The following TMPRSS11F variants were observed in gnomAD, a reference collection of about 807,000 sequenced individuals.
TMPRSS11F encodes the protein transmembrane serine protease 11F, also known as transmembrane protease serine 11F.
In TMPRSS11F, 47 loss-of-function variants were observed where a neutral mutation model predicts 60.2. That is an observed-to-expected ratio of 0.78 (90% confidence interval 0.62 to 1.00). The LOEUF (loss-of-function observed/expected upper bound fraction) is 1.00, where lower values mean the gene tolerates loss of function less well. TMPRSS11F is among the 50% of genes least tolerant of loss of function. TMPRSS11F has a pLI of 0.00. For synonymous variants in TMPRSS11F, 166 were observed against 167.3 expected, an observed-to-expected ratio of 0.99 and a Z score of 0.06; for missense variants, 519 against 522.9, an observed-to-expected ratio of 0.99 and a Z score of 0.07.
chr4:68,074,959 A>G (rs956867884), intron 3 of TMPRSS11F, among the ~76,000 whole-genome samples: 2 of 152,238 alleles, frequency 1.3e-5, no homozygotes, highest in African/African-American at 4.8e-5. Flanking sequence ...AGCCAGAGTC[A>G]TAATCTGGTC....
At chr4:68,119,563 T>C (rs1024843902) in intron 1 of TMPRSS11F, among the ~76,000 whole-genome samples, 6 of 152,320 alleles carry the variant, frequency 3.9e-5, no homozygotes, top group East Asian at 1.9e-4. Flanking sequence ...TTAAGAATTA[T>C]GCTAAATCCA....
intron 2 of TMPRSS11F, among the ~76,000 whole-genome samples, chr4:68,097,117 G>T (rs1397735074): frequency 6.6e-6 from 1 of 152,162 alleles, no homozygotes; most frequent in African/African-American, 2.4e-5. Flanking sequence ...ATTATCTGCA[G>T]TCAGGAAAGA....
chr4:68,062,958 G>C (rs752715100), intron 8 of TMPRSS11F: 2 of 742,404 alleles, frequency 2.7e-6, no homozygotes, highest in Admixed American at 1.8e-5. Flanking sequence ...AGAATTTCTG[G>C]AACTGACCCG....
At chr4:68,077,885 C>T (rs888700289) in intron 3 of TMPRSS11F, among the ~76,000 whole-genome samples, 4 of 152,196 alleles carry the variant, frequency 2.6e-5, no homozygotes, top group South Asian at 2.1e-4. Context: ...AGGTAGTGGG[C>T]GGTGTGCCGG....
intron 1 of TMPRSS11F, among the ~76,000 whole-genome samples, chr4:68,107,839 A>C (rs1724333797): frequency 6.6e-6 from 1 of 152,160 alleles, no homozygotes; most frequent in Non-Finnish European, 1.5e-5. Flanking sequence ...TGGGAGGCTG[A>C]GGCAGGAGAA....
At chr4:68,072,661 T>C (rs1251930069) in intron 4 of TMPRSS11F, among the ~76,000 whole-genome samples, 175 bp from the exon 5 acceptor site, 1 of 152,070 alleles carries the variant, frequency 6.6e-6, no homozygotes, top group Non-Finnish European at 1.5e-5. Context: ...CAGGAAGTGT[T>C]GGAAGCACTG....
At chr4:68,071,094 T>C (rs762772776) in intron 5 of TMPRSS11F, among the ~76,000 whole-genome samples, 1 of 152,202 alleles carries the variant, frequency 6.6e-6, no homozygotes, top group African/African-American at 2.4e-5. Flanking sequence ...ACTTTTGTAA[T>C]GGATATTTTA....
At chr4:68,122,536 A>G (rs1259804372) in intron 1 of TMPRSS11F, among the ~76,000 whole-genome samples, 3 of 152,224 alleles carry the variant, frequency 2.0e-5, no homozygotes, top group Non-Finnish European at 4.4e-5. Context: ...AAATGAAACA[A>G]TAGTTTTCTC....
intron 2 of TMPRSS11F, among the ~76,000 whole-genome samples, chr4:68,094,347 A>G (rs1232039743): frequency 7.3e-6 from 1 of 136,190 alleles, no homozygotes; most frequent in Non-Finnish European, 1.6e-5. Context: ...GGAATTGAAC[A>G]ATGAGAACAC....
intron 3 of TMPRSS11F, among the ~76,000 whole-genome samples, chr4:68,078,694 A>G (rs905881842): frequency 6.6e-6 from 1 of 152,192 alleles, no homozygotes; most frequent in Non-Finnish European, 1.5e-5. Flanking sequence ...GCCAAGTGAA[A>G]GTAGAAATCT....
intron 2 of TMPRSS11F, among the ~76,000 whole-genome samples, chr4:68,091,864 G>A (rs1029988884): frequency 6.6e-6 from 1 of 151,368 alleles, no homozygotes; most frequent in African/African-American, 2.4e-5. Context: ...CCAGCTCACT[G>A]CAACCTCCAC....
At chr4:68,067,264 T>C (rs1046493853) in intron 7 of TMPRSS11F, among the ~76,000 whole-genome samples, 1 of 152,226 alleles carries the variant, frequency 6.6e-6, no homozygotes, top group Non-Finnish European at 1.5e-5. Context: ...CTGCATCTAA[T>C]CCTCCTTCCA....
chr4:68,092,690 T>A lies in TMPRSS11F; in HGVS notation c.164-2049A>T, dbSNP rs73825375. On this transcript the variant is annotated intron_variant, in intron 2 of 9. Transcript: ENST00000356291. Reference sequence around the variant, plus strand: ...TTCAAGCTATTTCTCAAGGCACATCTTGATAAGATTTCACAATTAAAGTTT... The same window carrying A: ...TTCAAGCTATTTCTCAAGGCACATCATGATAAGATTTCACAATTAAAGTTT... Among the ~76,000 whole-genome samples the A allele has an allele frequency of 8.9e-3, 1,352 of 151,210 alleles. 26 individuals are homozygous for A. The highest frequency in any genetic ancestry group is 0.031 in the African/African-American group (1,284 of 41,326).
chr4:68,068,504 C>A, intron 7 of TMPRSS11F, 114 bp downstream of exon 7: 1 of 820,786 alleles, frequency 1.2e-6, no homozygotes, highest in South Asian at 1.6e-5. Flanking sequence ...ACAGCTAGGT[C>A]TACCCTGAAT....
At chr4:68,128,556 G>A (rs567065697) in intron 1 of TMPRSS11F, among the ~76,000 whole-genome samples, 33 of 152,094 alleles carry the variant, frequency 2.2e-4, no homozygotes, top group African/African-American at 6.3e-4. Context: ...AGATGATGCC[G>A]TAAGTTGGGA....
At chr4:68,056,527 G>T (rs1295810561) in intron 9 of TMPRSS11F, among the ~76,000 whole-genome samples, 1 of 150,564 alleles carries the variant, frequency 6.6e-6, no homozygotes, top group Non-Finnish European at 1.5e-5. Context: ...ATAGAAGAAA[G>T]AAGCTGAAGA....
At chr4:68,122,685 A>G (rs1448354611) in intron 1 of TMPRSS11F, among the ~76,000 whole-genome samples, 2 of 152,218 alleles carry the variant, frequency 1.3e-5, no homozygotes, top group African/African-American at 4.8e-5. Flanking sequence ...TATCTAGAAC[A>G]ACTCCTAATA....
At chr4:68,095,248 T>A (rs1724048653) in intron 2 of TMPRSS11F, among the ~76,000 whole-genome samples, 1 of 151,766 alleles carries the variant, frequency 6.6e-6, no homozygotes, top group Non-Finnish European at 1.5e-5. Context: ...AATTTTTCAC[T>A]GGAAGAGGAC....
chr4:68,113,936 G>C (rs570671785), intron 1 of TMPRSS11F, among the ~76,000 whole-genome samples: 2 of 151,932 alleles, frequency 1.3e-5, no homozygotes, highest in African/African-American at 4.8e-5. Flanking sequence ...TATGTTCTTC[G>C]ATTTTAAAAG....
Sources: allele counts gnomAD v4.1 joint callset (sites outside exome capture counted in the v4.1 genomes callset), GRCh38; gene constraint gnomAD v4.1.1; transcripts MANE v1.5; gene names NCBI Gene and HGNC (gene_info 2026-07-23, HGNC 2026-07-21).